The following CASQ1 variants were observed in gnomAD, a reference collection of about 807,000 sequenced individuals.
CASQ1 encodes calsequestrin 1.
CASQ1 carries 40 observed loss-of-function variants against 49.5 expected under a neutral mutation model. The observed-to-expected ratio is 0.81, with a 90% CI of 0.63 to 1.05. The LOEUF (loss-of-function observed/expected upper bound fraction) is 1.05, where lower values mean the gene tolerates loss of function less well. CASQ1 is among the 50% of genes least tolerant of loss of function. The pLI, the probability that CASQ1 is intolerant of heterozygous loss-of-function variation, is 0.00. For missense variants in CASQ1, 469 were observed against 486.9 expected, an observed-to-expected ratio of 0.96 and a Z score of 0.35; for synonymous variants, 174 against 187.2, an observed-to-expected ratio of 0.93 and a Z score of 0.58.
intron 6 of CASQ1, among the ~76,000 whole-genome samples, chr1:160,197,295 GAATA>G (rs1194021007): frequency 1.3e-5 from 2 of 152,218 alleles, no homozygotes; most frequent in African/African-American, 4.8e-5. Flanking sequence ...GTGAATGAAT[GAATA>G]AATTAATGAA....
intron 6 of CASQ1, 40 bp from the exon 7 acceptor site, chr1:160,197,529 C>T (rs745522300): frequency 2.2e-5 from 33 of 1,513,384 alleles, no homozygotes; most frequent in Non-Finnish European, 3.0e-5. Context: ...GGGCATCCTT[C>T]TAACCCACTG....
intron 7 of CASQ1, chr1:160,198,467 G>T: frequency 2.1e-6 from 1 of 467,002 alleles, no homozygotes; most frequent in South Asian, 2.8e-5. Flanking sequence ...TCGCGCCATT[G>T]CACTCTACCC....
intron 5 of CASQ1, 123 bp downstream of exon 5, chr1:160,195,657 C>CT (rs148763382): frequency 3.4e-5 from 29 of 845,384 alleles, no homozygotes; most frequent in East Asian, 1.6e-4. Context: ...TACCTGCCCC[C>CT]CCCCCCGGCT....
chr1:160,191,450 C>A (rs1654073689), intron 1 of CASQ1, among the ~76,000 whole-genome samples: 1 of 152,178 alleles, frequency 6.6e-6, no homozygotes, highest in Non-Finnish European at 1.5e-5. Context: ...AGGGGCTGCA[C>A]CCCAAAGAGA....
intron 6 of CASQ1, 102 bp downstream of exon 6, chr1:160,196,129 A>G (rs1654220939): frequency 2.5e-6 from 3 of 1,189,944 alleles, no homozygotes; most frequent in African/African-American, 1.5e-5. Flanking sequence ...CGGGAAGCCA[A>G]TCTTGCCTGG....
chr1:160,198,779 G>A (rs1654302602), intron 8 of CASQ1, 48 bp downstream of exon 8: 1 of 1,551,562 alleles, frequency 6.4e-7, no homozygotes, highest in South Asian at 1.1e-5. Flanking sequence ...AGGGGGAGGT[G>A]GGTGTGTTTA....
chr1:160,191,685 T>C (rs1441774313), intron 1 of CASQ1, among the ~76,000 whole-genome samples: 1 of 151,968 alleles, frequency 6.6e-6, no homozygotes, highest in Non-Finnish European at 1.5e-5. Flanking sequence ...GTGGGAAAAG[T>C]CTCCTCACCT....
intron 1 of CASQ1, among the ~76,000 whole-genome samples, chr1:160,191,568 C>T (rs190443724): frequency 1.3e-5 from 2 of 152,288 alleles, no homozygotes; most frequent in African/African-American, 2.4e-5. Context: ...CTCTTCCTTC[C>T]CCCTCCCTAA....
chr1:160,201,660 T>C lies in CASQ1; in HGVS notation c.*284T>C, dbSNP rs997461300. 4.0e-5 allele frequency: 19 copies of C among 474,646 alleles called. No individual in the cohort carries two copies. The highest frequency in any genetic ancestry group is 1.0e-4 in the Admixed American group (3 of 30,000). 29.4% of individuals were successfully genotyped at this position (474,646 alleles called of 1,614,324 possible). A position where few individuals can be genotyped will look rare whatever the true frequency, so the allele number is the denominator to read the frequency against. ...CTCTTCCATCACTCTCCATACTCTT[T>C]CTTGTGATTCTCCTCTAGCCATATA... On this transcript the variant is annotated 3_prime_UTR_variant, in exon 11 of 11. Transcript: ENST00000368078.
chr1:160,195,397 T>C (rs1654193307), intron 4 of CASQ1, 64 bp from the exon 5 acceptor site: 15 of 1,452,574 alleles, frequency 1.0e-5, no homozygotes, highest in Admixed American at 3.4e-5. Flanking sequence ...GGGACGATAG[T>C]GGGGGATGAT....
At chr1:160,197,989 G>C (rs762076383) in intron 7 of CASQ1, among the ~76,000 whole-genome samples, 1 of 151,656 alleles carries the variant, frequency 6.6e-6, no homozygotes, top group Non-Finnish European at 1.5e-5. Context: ...CCAGCCTGGG[G>C]GACAGAGTGA....
Position 160,195,117 on chromosome 1 carries a change from T to A in CASQ1, c.571T>A (p.Ser191Thr), listed in dbSNP as rs759544619. The A allele has an allele frequency of 1.7e-5, 28 of 1,601,296 alleles. 2 individuals carry two copies. The South Asian group carries it at 3.0e-4, about 17-fold the overall frequency. ...KLIGYFKSKD[S>T]EHYKAFEDAA... ...CATTGGCTACTTCAAGAGCAAAGAC[T>A]CAGAGCGTGGGTAACCCTCAGACTC... The change falls in exon 4 of 11, where the codon TCA becomes ACA. Residue 191 changes from serine (S) to threonine (T), a missense_variant. Ser to Thr is a moderately conservative substitution (Grantham distance 58). Transcript: ENST00000368078.
In CASQ1 at chr1:160,190,972, C is replaced by T. The variant is rs545910107; in HGVS notation, c.221C>T (p.Pro74Leu). 28 of 1,614,048 alleles carry T rather than the reference C, an allele frequency of 1.7e-5. 1 individual carries two copies. In the Admixed American group the frequency reaches 3.5e-4, roughly 20 times the overall value. ...GTGCTGGCACTCCTCTACCATGAAC[C>T]CCCCGAGGATGACAAGGCCTCACAA... ...YEVLALLYHE[P>L]PEDDKASQRQ... The change falls in exon 1 of 11, where the codon CCC (proline) becomes CTC (leucine). Residue 74 changes from proline (P) to leucine (L), a missense_variant. By Grantham distance (98) the Pro-to-Leu change is moderately conservative (BLOSUM62 -3). Coordinates refer to ENST00000368078, the MANE Select transcript of CASQ1 (RefSeq NM_001231.5).
chr1:160,195,661 C>G (rs10908769), intron 5 of CASQ1, 127 bp downstream of exon 5: 13 of 782,912 alleles, frequency 1.7e-5, no homozygotes, highest in Non-Finnish European at 2.5e-5. Flanking sequence ...TGCCCCCCCC[C>G]CCGGCTCCTC....
intron 1 of CASQ1, among the ~76,000 whole-genome samples, chr1:160,192,104 GC>G (rs1196858296): frequency 6.6e-5 from 10 of 152,202 alleles, no homozygotes; most frequent in African/African-American, 2.4e-4. Context: ...AGGGTTGAAC[GC>G]TAAGCTGGAA....
chr1:160,196,684 C>T lies in CASQ1; in HGVS notation c.782+657C>T, dbSNP rs1282892534. ...AGAGATGGGGTTTCACCACGTTGGC[C>T]TGGCTGGTCTCAAACTCCTGACCTC... is the stretch of plus-strand genomic sequence containing the variant. On this transcript the variant is annotated intron_variant, in intron 6 of 10. Transcript: ENST00000368078. 2.0e-5 allele frequency among the ~76,000 whole-genome samples: 3 copies of T among 152,128 alleles called. No homozygotes were observed. In the East Asian group the frequency reaches 5.8e-4, roughly 29 times the overall value.
At chr1:160,193,871 G>C (rs1654138916) in intron 3 of CASQ1, 24 bp downstream of exon 3, 1 of 1,553,654 alleles carries the variant, frequency 6.4e-7, no homozygotes, top group Non-Finnish European at 8.9e-7. Flanking sequence ...TGGACCTGAC[G>C]GCCTTGCTTG....
rs764998802 is a variant in CASQ1 at position 160,201,353 on chromosome 1, G to A, written c.1168G>A (p.Asp390Asn). ...GGAGGGCGAGATCAACACAGAGGACGATGACGATGATGATGATGACTAGTT... is the reference window on the plus strand; with the variant it reads ...GGAGGGCGAGATCAACACAGAGGACAATGACGATGATGATGATGACTAGTT... ...VLEGEINTED[D>N]DDDDDD is the part of the protein sequence containing the mutation. The change falls in exon 11 of 11, where the codon GAT (aspartate) becomes AAT (asparagine). Residue 390 changes from aspartate (D) to asparagine (N), a missense_variant. Asp to Asn is a conservative substitution (Grantham distance 23, BLOSUM62 1). Coordinates refer to ENST00000368078, the MANE Select transcript of CASQ1 (RefSeq NM_001231.5). 15 of 1,613,852 alleles carry A rather than the reference G, an allele frequency of 9.3e-6. No homozygotes were observed. The highest frequency in any genetic ancestry group is 8.9e-5 in the East Asian group (4 of 44,894).
intron 10 of CASQ1, among the ~76,000 whole-genome samples, chr1:160,200,806 C>G (rs988342351): frequency 2.0e-5 from 3 of 152,130 alleles, no homozygotes; most frequent in Admixed American, 2.0e-4. Context: ...GCCAGGTGTT[C>G]AAGGCTGCAG....
Sources: gnomAD v4.1 joint callset for allele counts (sites outside exome capture counted in the v4.1 genomes callset) on GRCh38, gnomAD v4.1.1 for gene constraint, MANE v1.5 for transcripts, NCBI Gene and HGNC (gene_info 2026-07-23, HGNC 2026-07-21) for gene names.